The following TAF5L variants were observed in gnomAD, a reference collection of about 807,000 sequenced individuals.
TAF5L encodes the protein TATA-box binding protein associated factor 5 like, also known as TAF5-like RNA polymerase II p300/CBP-associated factor-associated factor 65 kDa subunit 5L.
In TAF5L, 7 loss-of-function variants were observed where a neutral mutation model predicts 51.3. The ratio of observed to expected loss-of-function variants is 0.14; its 90% confidence interval spans 0.08 to 0.26. The LOEUF is 0.26. Ranked by LOEUF, TAF5L falls within the 10% of genes least tolerant of loss-of-function variation. The pLI is 1.00. For missense variants in TAF5L, 575 were observed against 758.9 expected, an observed-to-expected ratio of 0.76 and a Z score of 2.85; for synonymous variants, 291 against 308.1, an observed-to-expected ratio of 0.94 and a Z score of 0.58.
rs889352244 is a variant in TAF5L, at chr1:229,625,143, C to G, written c.-4+742G>C. ...GGGAGAACTGCATGTAGCGTTCCTG[C>G]ACTCCACTTCCGCTAAGTCTAAAAT... is the stretch of plus-strand genomic sequence containing the variant. On this transcript the variant is annotated intron_variant, in intron 1 of 4. Transcript: ENST00000258281. This position sits in a 1 kb window ranked among gnomAD's most constrained non-coding sequence, Gnocchi z 4.0. Among the ~76,000 whole-genome samples, 1 of 152,344 alleles carries G rather than the reference C, an allele frequency of 6.6e-6. No individual in the cohort carries two copies. The highest frequency in any genetic ancestry group is 2.4e-5 in the African/African-American group (1 of 41,574).
Sources: gnomAD v4.1 joint callset for allele counts (sites outside exome capture counted in the v4.1 genomes callset) on GRCh38, gnomAD v4.1.1 for gene constraint, Gnocchi (gnomAD v3.1) non-coding constraint, MANE v1.5 for transcripts, NCBI Gene and HGNC (gene_info 2026-07-23, HGNC 2026-07-21) for gene names.